ADAMTSL1: variants seen among roughly 807,000 people sequenced by gnomAD.
ADAMTSL1 encodes the protein ADAMTS like 1, also known as ADAMTS-like protein 1.
A neutral mutation model predicts 201.8 loss-of-function variants in ADAMTSL1; 126 were observed. The ratio of observed to expected loss-of-function variants is 0.62; its 90% CI spans 0.54 to 0.72. The LOEUF is 0.72. Among genes scored for constraint, ADAMTSL1 ranks in the 30% least tolerant of loss-of-function variants. ADAMTSL1 has a pLI of 0.00. For missense variants in ADAMTSL1, 2,679 were observed against 2,277.8 expected (o/e 1.18, Z -3.59); for synonymous variants, 1,121 against 903.4 (o/e 1.24, Z -4.32).
chr9:18,630,718 A>T (rs949659562), intron 5 of ADAMTSL1, among the ~76,000 whole-genome samples: 1 of 152,038 alleles, frequency 6.6e-6, no homozygotes, highest in East Asian at 1.9e-4. Context: ...TGACTTTTTG[A>T]TTGTTTTAGA....
chr9:18,172,133 TG>T (rs1371452434), intron 2 of ADAMTSL1, among the ~76,000 whole-genome samples: 2 of 25,932 alleles, frequency 7.7e-5, no homozygotes, highest in East Asian at 1.3e-3. Flanking sequence ...TGTCAGGGGG[TG>T]GGGGGCTGGG....
chr9:18,252,598 C>G (rs1831507326), intron 2 of ADAMTSL1, among the ~76,000 whole-genome samples: 1 of 152,074 alleles, frequency 6.6e-6, no homozygotes. Context: ...AGAAAAAAGT[C>G]TATACATGTT....
At position 18,003,010 on chromosome 9, in the gene ADAMTSL1, A is replaced by G. The variant is rs79531040; in HGVS notation, c.87+96088A>G. ...ATTGCTCATCATCACATAACCTGTG[A>G]GCTAATATTGACCATGAGCTTCCAG... On this transcript the variant is annotated intron_variant, in intron 1 of 29. Transcript: ENST00000680146. Among the ~76,000 whole-genome samples the G allele has an allele frequency of 4.5e-3, 691 of 152,154 alleles. 14 individuals are homozygous for G. Among genetic ancestry groups the G allele is most frequent in the East Asian group, 0.031 (159 of 5,146 alleles).
chr9:18,504,017 G>C lies in ADAMTSL1; in HGVS notation c.64-812G>C, dbSNP rs554438957. On this transcript the variant is annotated intron_variant, in intron 1 of 28. Transcript: ENST00000380548. ...GTGTGTGTGTGTGTGCAGTAGCATG[G>C]TTATAATATTACCCCAATTTGTAAA... 4.7e-5 allele frequency among the ~76,000 whole-genome samples: 7 copies of C among 148,558 alleles called. No individual in the cohort carries two copies. The South Asian group carries it at 1.3e-3, about 28-fold the overall frequency.
At chr9:18,299,401 A>G (rs75549789) in intron 2 of ADAMTSL1, among the ~76,000 whole-genome samples, 2,320 of 152,328 alleles carry the variant, frequency 0.015, 56 homozygotes, top group African/African-American at 0.051. Context: ...AATGAATGCC[A>G]TGAAACAACT....
At chr9:17,971,956 T>G (rs1004001433) in intron 1 of ADAMTSL1, among the ~76,000 whole-genome samples, 1 of 151,810 alleles carries the variant, frequency 6.6e-6, no homozygotes, top group African/African-American at 2.4e-5. Flanking sequence ...AATTTTTATT[T>G]ACTTTTTCTG....
At chr9:18,131,410 G>A (rs1825948881) in intron 1 of ADAMTSL1, among the ~76,000 whole-genome samples, 2 of 152,138 alleles carry the variant, frequency 1.3e-5, no homozygotes, top group Non-Finnish European at 2.9e-5. Context: ...GGTTGTATGA[G>A]TGCTGCAGGG....
chr9:18,352,327 G>A (rs1429542907), intron 2 of ADAMTSL1, among the ~76,000 whole-genome samples: 1 of 152,204 alleles, frequency 6.6e-6, no homozygotes, highest in Admixed American at 6.5e-5. Context: ...GGCAGATACT[G>A]TAAGATTTGG....
At chr9:18,894,454 A>ATGAGAATGAAGGTATTGAGCAGTACC (rs1829489336) in intron 26 of ADAMTSL1, among the ~76,000 whole-genome samples, 1 of 148,042 alleles carries the variant, frequency 6.8e-6, no homozygotes, top group African/African-American at 2.5e-5. Flanking sequence ...AATTATGGTG[A>ATGAGAATGAAGGTATTGAGCAGTACC]TGAGAATGAA....
chr9:18,234,669 A>T (rs1830770178), intron 2 of ADAMTSL1, among the ~76,000 whole-genome samples: 1 of 152,218 alleles, frequency 6.6e-6, no homozygotes, highest in African/African-American at 2.4e-5. Flanking sequence ...CTGAGCTAGA[A>T]TTGGCAATAT....
chr9:18,331,039 C>T (rs919646661), intron 2 of ADAMTSL1, among the ~76,000 whole-genome samples: 2 of 152,118 alleles, frequency 1.3e-5, no homozygotes, highest in Non-Finnish European at 2.9e-5. Context: ...GGGCATATTT[C>T]ACGTGTAGGT....
In ADAMTSL1 at chr9:18,172,737, T is replaced by A. The variant is rs143573721; in HGVS notation, c.207+8756T>A. Among the ~76,000 whole-genome samples, 294 of 152,202 alleles carry A rather than the reference T, an allele frequency of 1.9e-3. 1 individual carries two copies. Among genetic ancestry groups the A allele is most frequent in the African/African-American group, 6.9e-3 (288 of 41,538 alleles). The stretch of plus-strand genomic sequence containing the variant: ...ATCCATCAGAAGGTAAATGGGAGAA[T>A]AACGTATTGCTTATTTATACAATAA... On this transcript the variant is annotated intron_variant, in intron 2 of 29. Transcript: ENST00000680146.
At chr9:18,888,551 A>G (rs1322516565) in intron 24 of ADAMTSL1, among the ~76,000 whole-genome samples, 2 of 152,220 alleles carry the variant, frequency 1.3e-5, no homozygotes, top group East Asian at 3.8e-4. Flanking sequence ...CGAAGCCCAC[A>G]TGGCTCATGC....
chr9:18,157,310 GT>G (rs1827198670), intron 1 of ADAMTSL1, among the ~76,000 whole-genome samples: 1 of 151,992 alleles, frequency 6.6e-6, no homozygotes, highest in African/African-American at 2.4e-5. Flanking sequence ...TTTATTAATA[GT>G]TTTTAAATTT....
intron 1 of ADAMTSL1, among the ~76,000 whole-genome samples, chr9:17,954,499 G>A (rs1318627105): frequency 6.6e-6 from 1 of 152,142 alleles, no homozygotes; most frequent in African/African-American, 2.4e-5. Flanking sequence ...GGTTTAAGTT[G>A]AACAAAATGT....
At chr9:18,778,103 A>G (rs1212643439) in intron 19 of ADAMTSL1, among the ~76,000 whole-genome samples, 197 bp downstream of exon 19, 1 of 152,214 alleles carries the variant, frequency 6.6e-6, no homozygotes, top group African/African-American at 2.4e-5. Flanking sequence ...TCATTTTTCT[A>G]AACTGTCTGT....
intron 2 of ADAMTSL1, among the ~76,000 whole-genome samples, chr9:18,516,303 G>A (rs1192756420): frequency 1.3e-5 from 2 of 152,164 alleles, no homozygotes; most frequent in African/African-American, 4.8e-5. Flanking sequence ...AGGGTGGTCT[G>A]TCCAAATCAT....
intron 2 of ADAMTSL1, among the ~76,000 whole-genome samples, chr9:18,524,767 A>G (rs1818926789): frequency 6.6e-6 from 1 of 152,226 alleles, no homozygotes. Flanking sequence ...ATGTTGAACC[A>G]GCCTTGAATC....
At chr9:18,474,333 T>C in intron 1 of ADAMTSL1, 38 bp downstream of exon 1, 12 of 1,609,746 alleles carry the variant, frequency 7.5e-6, no homozygotes, top group Non-Finnish European at 1.0e-5. Context: ...GCTATTGCCA[T>C]TGAGTCTGGG....
Sources: allele counts gnomAD v4.1 joint callset (sites outside exome capture counted in the v4.1 genomes callset), GRCh38; gene constraint gnomAD v4.1.1; transcripts MANE v1.5; gene names NCBI Gene and HGNC (gene_info 2026-07-23, HGNC 2026-07-21).